The following TOP6BL variants were observed in gnomAD, a reference collection of about 807,000 sequenced individuals.
TOP6BL encodes type 2 DNA topoisomerase 6 subunit B-like.
the TOP6BL span, among the ~76,000 whole-genome samples, chr11:66,827,990 AAAAG>A: frequency 2.0e-5 from 3 of 150,568 alleles, no homozygotes; most frequent in Non-Finnish European, 4.4e-5. Context: ...AAAAAAAAAA[AAAAG>A]AGAGATGGGA....
chr11:66,758,971 ACT>A, the TOP6BL span: 18 of 1,135,202 alleles, frequency 1.6e-5, no homozygotes, highest in East Asian at 3.4e-4. Context: ...AGTTTTTTAG[ACT>A]CTCATTTGAT....
the TOP6BL span, chr11:66,804,272 T>G: frequency 1.9e-6 from 2 of 1,063,542 alleles, no homozygotes; most frequent in Non-Finnish European, 2.6e-6. Flanking sequence ...CTTTAGTATG[T>G]GAATTCTGCA....
the TOP6BL span, among the ~76,000 whole-genome samples, chr11:66,779,077 C>CAAT: frequency 2.6e-5 from 4 of 152,266 alleles, no homozygotes; most frequent in African/African-American, 9.6e-5. Context: ...AAAACCTAGG[C>CAAT]AATACCATTC....
At chr11:66,826,101 C>G in the TOP6BL span, among the ~76,000 whole-genome samples, 1 of 152,128 alleles carries the variant, frequency 6.6e-6, no homozygotes, top group African/African-American at 2.4e-5. Flanking sequence ...CCTTGGCCTC[C>G]CAAAGTACTG....
At chr11:66,804,703 C>T in the TOP6BL span, among the ~76,000 whole-genome samples, 2 of 151,740 alleles carry the variant, frequency 1.3e-5, no homozygotes, top group South Asian at 2.1e-4. Context: ...TTTGGCAGGC[C>T]GAGGTGGGCG....
the TOP6BL span, chr11:66,800,550 C>T: frequency 2.2e-5 from 22 of 993,676 alleles, no homozygotes; most frequent in Non-Finnish European, 3.1e-5. Context: ...ATTTTTTAAG[C>T]TTATTCTTTT....
At chr11:66,839,299 A>AT in the TOP6BL span, 2 of 419,038 alleles carry the variant, frequency 4.8e-6, no homozygotes, top group Non-Finnish European at 9.6e-6. Context: ...CTCATTTTGC[A>AT]TATGAGGAAA....
At chr11:66,769,665 T>A in the TOP6BL span, among the ~76,000 whole-genome samples, 1 of 152,030 alleles carries the variant, frequency 6.6e-6, no homozygotes, top group African/African-American at 2.4e-5. Context: ...TAAGTGGGGT[T>A]AGATTAGATC....
chr11:66,796,296 A>G, the TOP6BL span: 1 of 1,609,994 alleles, frequency 6.2e-7, no homozygotes, highest in South Asian at 1.1e-5. Context: ...TGAAAAGCCC[A>G]GAACCTTGAT....
chr11:66,830,265 T>C, the TOP6BL span, among the ~76,000 whole-genome samples: 1 of 152,004 alleles, frequency 6.6e-6, no homozygotes, highest in Non-Finnish European at 1.5e-5. Context: ...ATCTAGAAAA[T>C]CCCCAAATAT....
At chr11:66,839,499 C>A in the TOP6BL span, among the ~76,000 whole-genome samples, 59 of 152,308 alleles carry the variant, frequency 3.9e-4, no homozygotes, top group East Asian at 0.011. Flanking sequence ...GGGATCGTGA[C>A]GTCAGCACCT....
At chr11:66,809,038 G>T in the TOP6BL span, among the ~76,000 whole-genome samples, 2 of 152,050 alleles carry the variant, frequency 1.3e-5, no homozygotes, top group Non-Finnish European at 2.9e-5. Flanking sequence ...TCCGCCTCCC[G>T]GGTTCATGCC....
the TOP6BL span, among the ~76,000 whole-genome samples, chr11:66,781,776 G>A: frequency 8.5e-5 from 13 of 152,190 alleles, no homozygotes; most frequent in African/African-American, 2.6e-4. Flanking sequence ...GGCCTCAAGC[G>A]ATCTCCCTGC....
chr11:66,838,444 AG>A, the TOP6BL span: 2 of 1,613,616 alleles, frequency 1.2e-6, no homozygotes, highest in Non-Finnish European at 1.7e-6. Context: ...AGCTCCTAGC[AG>A]GTAAGGTTTT....
the TOP6BL span, among the ~76,000 whole-genome samples, chr11:66,817,803 T>C: frequency 6.6e-6 from 1 of 152,038 alleles, no homozygotes; most frequent in Non-Finnish European, 1.5e-5. Context: ...CACCTCGGCC[T>C]CCCAAAGTGC....
At chr11:66,843,405 C>T in the TOP6BL span, 1 of 1,426,416 alleles carries the variant, frequency 7.0e-7, no homozygotes, top group Non-Finnish European at 9.1e-7. Flanking sequence ...CTGACGTCAC[C>T]CACACCTCCC....
the TOP6BL span, among the ~76,000 whole-genome samples, chr11:66,826,925 C>T: frequency 2.8e-4 from 42 of 148,692 alleles, no homozygotes; most frequent in Admixed American, 2.2e-3. Context: ...TCAGGTGATC[C>T]GCCTGCCTCG....
the TOP6BL span, among the ~76,000 whole-genome samples, chr11:66,835,335 AT>A: frequency 6.6e-6 from 1 of 152,096 alleles, no homozygotes; most frequent in African/African-American, 2.4e-5. Flanking sequence ...CTTTAGAATT[AT>A]TTTTGCCCCT....
the TOP6BL span, among the ~76,000 whole-genome samples, chr11:66,767,400 T>C: frequency 6.6e-6 from 1 of 152,202 alleles, no homozygotes; most frequent in Non-Finnish European, 1.5e-5. Context: ...CTTCCTATTA[T>C]GTCCTTATTC....
Sources: gnomAD v4.1 joint callset for allele counts (sites outside exome capture counted in the v4.1 genomes callset) on GRCh38, gnomAD v4.1.1 for gene constraint, MANE v1.5 for transcripts, NCBI Gene and HGNC (gene_info 2026-07-23, HGNC 2026-07-21) for gene names.